Variants in BCAS3 observed in about 807,000 individuals in gnomAD.
The protein encoded by BCAS3 is BCAS3 microtubule associated cell migration factor.
A neutral mutation model predicts 116.1 loss-of-function variants in BCAS3; 53 were observed. The ratio of observed to expected loss-of-function variants is 0.46; its 90% confidence interval spans 0.37 to 0.57. BCAS3 has a LOEUF of 0.57. Ranked by LOEUF, BCAS3 falls within the 20% of genes least tolerant of loss-of-function variation. The pLI, the probability that BCAS3 is intolerant of heterozygous loss-of-function variation, is 0.00. For missense variants in BCAS3, 917 were observed against 1,165.4 expected (o/e 0.79, Z 3.10); for synonymous variants, 391 against 408.2 (o/e 0.96, Z 0.51).
At chr17:60,992,533 G>A (rs2063591452) in intron 15 of BCAS3, among the ~76,000 whole-genome samples, 1 of 152,120 alleles carries the variant, frequency 6.6e-6, no homozygotes, top group South Asian at 2.1e-4. Context: ...CTGGAGGGAG[G>A]ACAGTGGGAG....
intron 7 of BCAS3, among the ~76,000 whole-genome samples, chr17:60,843,283 C>G (rs2144769526): frequency 6.6e-6 from 1 of 150,632 alleles, no homozygotes; most frequent in African/African-American, 2.4e-5. Flanking sequence ...GTGGCACGAT[C>G]TCGGCTCCCT....
rs1432847532 is a variant in BCAS3 at position 61,378,530 on chromosome 17, T to TC, written c.2593+10039dup. ...CGGCCCTGGTGGTCCCTTCAGCCCC[T>TC]CCCTCACCCATACTCCCACGAGTGT... On this transcript the variant is annotated intron_variant, in intron 23 of 23. Coordinates refer to ENST00000407086, the MANE Select transcript of BCAS3 (RefSeq NM_017679.5). The surrounding 1 kb of genome is among the most constrained non-coding windows in gnomAD (Gnocchi z 5.8). 1 of 152,180 alleles carries TC rather than the reference T, an allele frequency of 6.6e-6. No individual in the cohort carries two copies. 9.4% of individuals were successfully genotyped at this position (152,180 alleles called of 1,614,324 possible). A position where few individuals can be genotyped will look rare whatever the true frequency, so the allele number is the denominator to read the frequency against.
intron 22 of BCAS3, among the ~76,000 whole-genome samples, chr17:61,310,797 G>A (rs939927625): frequency 2.6e-5 from 4 of 152,178 alleles, no homozygotes; most frequent in East Asian, 1.9e-4. Flanking sequence ...GATAAAAACC[G>A]TGATAGAAAA....
chr17:60,781,879 A>G (rs1403464525), intron 6 of BCAS3, among the ~76,000 whole-genome samples: 1 of 152,100 alleles, frequency 6.6e-6, no homozygotes, highest in Non-Finnish European at 1.5e-5. Context: ...AGACTTACCA[A>G]GCTTTCTGGT....
In BCAS3 at chr17:61,363,054, A is replaced by T. The variant is rs2058537473; in HGVS notation, c.2426-5273A>T. Among the ~76,000 whole-genome samples, 1 of 152,158 alleles carries T rather than the reference A, an allele frequency of 6.6e-6. No homozygotes were observed. The highest frequency in any genetic ancestry group is 2.4e-5 in the African/African-American group (1 of 41,440). ...ACAAAGTTCGGTGCCTATTTTCATT[A>T]TGGAGGAATTCATGCCCTCGGGAGC... On this transcript the variant is annotated intron_variant, in intron 22 of 23. Transcript: ENST00000407086. This position sits in a 1 kb window ranked among gnomAD's most constrained non-coding sequence, Gnocchi z 4.9.
intron 7 of BCAS3, among the ~76,000 whole-genome samples, chr17:60,862,697 A>G (rs1282817946): frequency 6.6e-6 from 1 of 152,118 alleles, no homozygotes; most frequent in African/African-American, 2.4e-5. Flanking sequence ...TGTTGCCCAC[A>G]CTGGAGTGTA....
chr17:61,075,903 A>G (rs1326480694), intron 20 of BCAS3, among the ~76,000 whole-genome samples: 1 of 152,028 alleles, frequency 6.6e-6, no homozygotes, highest in Non-Finnish European at 1.5e-5. Context: ...ACGCATCACC[A>G]TGCTGGCTAA....
intron 6 of BCAS3, among the ~76,000 whole-genome samples, chr17:60,776,580 A>G (rs1409281555): frequency 2.0e-5 from 3 of 152,036 alleles, no homozygotes; most frequent in African/African-American, 7.2e-5. Flanking sequence ...TTAGCCAGGC[A>G]TGGTGGCGTG....
At chr17:60,860,753 T>C (rs1395153773) in intron 7 of BCAS3, among the ~76,000 whole-genome samples, 1 of 152,226 alleles carries the variant, frequency 6.6e-6, no homozygotes, top group Non-Finnish European at 1.5e-5. Context: ...GGGAGTTTTT[T>C]CCCTATTGTT....
chr17:61,025,390 A>T (rs1388108922), intron 16 of BCAS3, among the ~76,000 whole-genome samples: 1 of 152,090 alleles, frequency 6.6e-6, no homozygotes, highest in Non-Finnish European at 1.5e-5. Context: ...AGAATCTCAG[A>T]TCCCAGCCAG....
At chr17:60,923,934 T>G (rs2059233559) in intron 12 of BCAS3, among the ~76,000 whole-genome samples, 1 of 152,214 alleles carries the variant, frequency 6.6e-6, no homozygotes, top group Non-Finnish European at 1.5e-5. Flanking sequence ...GGATGATTTC[T>G]CTATACACCT....
At chr17:61,298,703 T>G (rs550275898) in intron 22 of BCAS3, among the ~76,000 whole-genome samples, 1 of 152,238 alleles carries the variant, frequency 6.6e-6, no homozygotes, top group South Asian at 2.1e-4. Flanking sequence ...CTCCACCTTT[T>G]CAGTCATCCT....
intron 14 of BCAS3, among the ~76,000 whole-genome samples, chr17:60,975,688 C>T (rs1297962943): frequency 1.3e-5 from 2 of 152,202 alleles, no homozygotes; most frequent in African/African-American, 4.8e-5. Flanking sequence ...CTATCCAAGT[C>T]ACTCTCCATC....
intron 7 of BCAS3, among the ~76,000 whole-genome samples, chr17:60,852,604 G>A (rs1179490270): frequency 6.6e-6 from 1 of 152,074 alleles, no homozygotes; most frequent in African/African-American, 2.4e-5. Flanking sequence ...TGAAATGTCT[G>A]TACTGATCCT....
intron 7 of BCAS3, among the ~76,000 whole-genome samples, chr17:60,835,944 G>A (rs1174329048): frequency 6.6e-6 from 1 of 152,080 alleles, no homozygotes; most frequent in Non-Finnish European, 1.5e-5. Flanking sequence ...TTCTCATTTA[G>A]TCATTAATTG....
rs995789784 is a variant in BCAS3, at chr17:61,070,061, G to A, written c.2030-4859G>A. On this transcript the variant is annotated intron_variant, in intron 19 of 23. Transcript: ENST00000407086. ...AGACAGCCCAAATATCCTCGGAAGA[G>A]CGCTCCCAGGAGAAACAAGCTTGAC... 5 of 1,589,630 alleles carry A rather than the reference G, an allele frequency of 3.1e-6. No homozygotes were observed. In the African/African-American group the frequency reaches 6.7e-5, roughly 21 times the overall value.
intron 16 of BCAS3, chr17:61,027,293 A>G (rs756393696): frequency 4.7e-5 from 20 of 424,430 alleles, no homozygotes; most frequent in South Asian, 3.3e-4. Context: ...ATTTTGAAAT[A>G]TAAATATATT....
At chr17:60,701,834 C>A (rs974164225) in intron 4 of BCAS3, among the ~76,000 whole-genome samples, 1 of 139,918 alleles carries the variant, frequency 7.1e-6, no homozygotes, top group Non-Finnish European at 1.5e-5. Context: ...AAAAGCCAGG[C>A]GTGGTGGCAC....
chr17:61,360,578 G>A (rs1306917935), intron 22 of BCAS3, among the ~76,000 whole-genome samples: 2 of 152,168 alleles, frequency 1.3e-5, no homozygotes, highest in Non-Finnish European at 2.9e-5. Context: ...GCTTAGGCAG[G>A]ATAACTCACA....
Sources: gnomAD v4.1 joint callset for allele counts (sites outside exome capture counted in the v4.1 genomes callset) on GRCh38, gnomAD v4.1.1 for gene constraint, Gnocchi (gnomAD v3.1) non-coding constraint, MANE v1.5 for transcripts, NCBI Gene and HGNC (gene_info 2026-07-23, HGNC 2026-07-21) for gene names.